KLF12: variants seen among roughly 807,000 people sequenced by gnomAD.
KLF12 encodes the protein KLF transcription factor 12, also known as Krueppel-like factor 12.
In KLF12, 9 loss-of-function variants were observed where a neutral mutation model predicts 37.8. That is an observed-to-expected ratio of 0.24 (90% CI 0.14 to 0.42). The LOEUF (loss-of-function observed/expected upper bound fraction) is 0.42. Among genes scored for constraint, KLF12 ranks in the 10% least tolerant of loss-of-function variants. The pLI, the probability that KLF12 is intolerant of heterozygous loss-of-function variation, is 1.00. For missense variants in KLF12, 411 were observed against 516.0 expected, an observed-to-expected ratio of 0.80 and a Z score of 1.97; for synonymous variants, 208 against 202.1, an observed-to-expected ratio of 1.03 and a Z score of -0.25.
At chr13:73,922,209 A>T (rs1889148209) in intron 3 of KLF12, among the ~76,000 whole-genome samples, 2 of 152,118 alleles carry the variant, frequency 1.3e-5, no homozygotes, top group African/African-American at 4.8e-5. Context: ...AAATTACTTT[A>T]TTCTTGCCCT....
upstream of KLF12, among the ~76,000 whole-genome samples, chr13:74,138,121 C>G (rs559385690): frequency 3.9e-4 from 59 of 152,332 alleles, no homozygotes; most frequent in Non-Finnish European, 7.2e-4. Context: ...AAGGTAAAAA[C>G]TCTGTTCAAT....
Position 73,778,656 on chromosome 13 carries a change from C to T in KLF12, c.807-13656G>A, listed in dbSNP as rs185135018. Among the ~76,000 whole-genome samples, 61 of 152,216 alleles carry T rather than the reference C, an allele frequency of 4.0e-4. No homozygotes were observed. The East Asian group carries it at 0.01, about 26-fold the overall frequency. On this transcript the variant is annotated intron_variant, in intron 5 of 7. Transcript: ENST00000377669. The stretch of plus-strand genomic sequence containing the variant: ...CTGGGATTACAAGCGTGAGCCACTG[C>T]GCCTGGCCTGTGCTAAGAGTTTCAC...
At chr13:74,206,299 G>A in the KLF12 span, among the ~76,000 whole-genome samples, 4 of 152,148 alleles carry the variant, frequency 2.6e-5, no homozygotes, top group Admixed American at 2.6e-4. Flanking sequence ...TAGAAGGAGT[G>A]ATGGCTGTGT....
chr13:73,731,910 C>G lies in KLF12; in HGVS notation c.870-16385G>C, dbSNP rs367893205. Among the ~76,000 whole-genome samples the G allele has an allele frequency of 3.2e-4, 49 of 152,218 alleles. 7 individuals carry two copies. Among genetic ancestry groups the G allele is most frequent in the Admixed American group, 2.0e-3 (30 of 15,282 alleles). ...AGCTATGTCTTAGAGAAATTTAACA[C>G]CTTTCCTAAGCTTTGGTTTCTTTTC... On this transcript the variant is annotated intron_variant, in intron 6 of 7. Transcript: ENST00000377669.
intron 1 of KLF12, among the ~76,000 whole-genome samples, chr13:74,105,963 T>A (rs189855248): frequency 3.9e-5 from 6 of 152,270 alleles, no homozygotes; most frequent in Non-Finnish European, 8.8e-5. Flanking sequence ...AGCAATGACA[T>A]GGCAATTTCT....
chr13:74,297,765 G>A, the KLF12 span, among the ~76,000 whole-genome samples: 2 of 152,098 alleles, frequency 1.3e-5, no homozygotes, highest in Non-Finnish European at 2.9e-5. Context: ...ATTTAAAATC[G>A]AATACATTCT....
At chr13:74,004,260 G>A (rs1227246642) in intron 1 of KLF12, among the ~76,000 whole-genome samples, 1 of 152,072 alleles carries the variant, frequency 6.6e-6, no homozygotes, top group Non-Finnish European at 1.5e-5. Context: ...AAGTAGTAGT[G>A]GTGACAGCAG....
rs571409900 is a variant in KLF12 at position 73,940,073 on chromosome 13, T to C, written c.123+3908A>G. 5.3e-5 allele frequency among the ~76,000 whole-genome samples: 8 copies of C among 152,274 alleles called. No homozygotes were observed. In the South Asian group the frequency reaches 1.0e-3, roughly 20 times the overall value. ...CTGCAGGGCCAGGAATAAAATCACA[T>C]AGTATATCTCTGGGGCAGTATCCTC... On this transcript the variant is annotated intron_variant, in intron 3 of 7. Transcript: ENST00000377669.
chr13:74,098,640 A>G (rs1019908790), intron 1 of KLF12, among the ~76,000 whole-genome samples: 7 of 152,268 alleles, frequency 4.6e-5, no homozygotes, highest in Non-Finnish European at 8.8e-5. Flanking sequence ...CAAACCTCAT[A>G]GATGGGTTTT....
intron 1 of KLF12, among the ~76,000 whole-genome samples, chr13:74,087,029 A>G (rs1279522596): frequency 6.6e-6 from 1 of 152,170 alleles, no homozygotes; most frequent in African/African-American, 2.4e-5. Context: ...ATATATCCAC[A>G]TATAAGTGGA....
chr13:73,717,727 T>C, intron 6 of KLF12, among the ~76,000 whole-genome samples: 1 of 152,248 alleles, frequency 6.6e-6, no homozygotes, highest in East Asian at 1.9e-4. Context: ...GTTTTCCACA[T>C]AATTGACTCA....
At chr13:74,286,761 T>C in the KLF12 span, among the ~76,000 whole-genome samples, 20 of 152,220 alleles carry the variant, frequency 1.3e-4, no homozygotes, top group Non-Finnish European at 5.9e-5. Flanking sequence ...TAAGCAGAGA[T>C]CTTCATCATC....
intron 3 of KLF12, among the ~76,000 whole-genome samples, chr13:73,935,800 G>C (rs1889902007): frequency 6.6e-6 from 1 of 151,986 alleles, no homozygotes; most frequent in African/African-American, 2.4e-5. Flanking sequence ...GCTAATTTTT[G>C]TATTTTTTGT....
intron 1 of KLF12, among the ~76,000 whole-genome samples, chr13:74,099,130 T>G (rs577388685): frequency 1.3e-5 from 2 of 152,248 alleles, no homozygotes; most frequent in African/African-American, 4.8e-5. Flanking sequence ...GGAGGATCGC[T>G]TGAGGCCAGT....
At chr13:74,165,465 A>C in the KLF12 span, among the ~76,000 whole-genome samples, 1 of 151,640 alleles carries the variant, frequency 6.6e-6, no homozygotes, top group African/African-American at 2.4e-5. Context: ...TGCCCAGCTA[A>C]TTTTTGTACT....
intron 1 of KLF12, among the ~76,000 whole-genome samples, chr13:74,118,374 G>A (rs1008084463): frequency 1.3e-5 from 2 of 152,026 alleles, no homozygotes; most frequent in Non-Finnish European, 2.9e-5. Flanking sequence ...AAAGCCACAC[G>A]TCTCACAATG....
rs74095763 is a variant in KLF12 at position 73,815,826 on chromosome 13, G to A, written c.671-2539C>T. Among the ~76,000 whole-genome samples, 165 of 152,314 alleles carry A rather than the reference G, an allele frequency of 1.1e-3. 2 individuals carry two copies. The highest frequency in any genetic ancestry group is 3.5e-3 in the African/African-American group (146 of 41,574). ...AAGGAAGATAGAGGCAGTTAACCAT[G>A]AGCAATCTGGCTCTGAAAGTTAAAG... On this transcript the variant is annotated intron_variant, in intron 4 of 7. Coordinates refer to ENST00000377669, the MANE Select transcript of KLF12 (RefSeq NM_007249.5).
intron 6 of KLF12, among the ~76,000 whole-genome samples, chr13:73,723,375 G>A (rs1876418808): frequency 6.6e-6 from 1 of 152,138 alleles, no homozygotes; most frequent in African/African-American, 2.4e-5. Flanking sequence ...CATACCCACT[G>A]AATGGAAGAC....
At chr13:74,158,188 C>T in the KLF12 span, among the ~76,000 whole-genome samples, 3,239 of 152,204 alleles carry the variant, frequency 0.021, 85 homozygotes, top group Middle Eastern at 0.054. Flanking sequence ...CGCATAGGTC[C>T]GCGTGAGGGC....
Sources: allele counts gnomAD v4.1 joint callset (sites outside exome capture counted in the v4.1 genomes callset), GRCh38; gene constraint gnomAD v4.1.1; transcripts MANE v1.5; gene names NCBI Gene and HGNC (gene_info 2026-07-23, HGNC 2026-07-21).